ACTR3C: variants seen among roughly 807,000 people sequenced by gnomAD.
ACTR3C encodes the protein actin related protein 3C, also known as actin-related protein 3C.
A neutral mutation model predicts 26.3 loss-of-function variants in ACTR3C; 18 were observed. The observed-to-expected ratio is 0.68, with a 90% CI of 0.47 to 1.01. The LOEUF is 1.01. Ranked by LOEUF, ACTR3C falls within the 50% of genes least tolerant of loss-of-function variation. The pLI, the probability that ACTR3C is intolerant of heterozygous loss-of-function variation, is 0.00. For missense variants in ACTR3C, 184 were observed against 250.7 expected (o/e 0.73, Z 1.80); for synonymous variants, 55 against 94.5 (o/e 0.58, Z 2.42).
the ACTR3C span, among the ~76,000 whole-genome samples, chr7:150,123,147 T>G: frequency 6.6e-6 from 1 of 151,672 alleles, no homozygotes; most frequent in African/African-American, 2.4e-5. Context: ...GACGGGTTGA[T>G]GGGTGAAGCA....
At chr7:150,123,749 T>C in the ACTR3C span, among the ~76,000 whole-genome samples, 1 of 152,148 alleles carries the variant, frequency 6.6e-6, no homozygotes, top group Admixed American at 6.5e-5. Flanking sequence ...TAAGGCTCTT[T>C]GGTGACATGA....
At chr7:150,096,956 G>T in the ACTR3C span, among the ~76,000 whole-genome samples, 1 of 152,208 alleles carries the variant, frequency 6.6e-6, no homozygotes, top group Non-Finnish European at 1.5e-5. Context: ...CCCTGGCAAG[G>T]CCACTGCCCA....
At chr7:150,088,817 C>T in the ACTR3C span, among the ~76,000 whole-genome samples, 5 of 152,118 alleles carry the variant, frequency 3.3e-5, no homozygotes, top group Admixed American at 1.3e-4. Flanking sequence ...CTCATTTCCT[C>T]GTCTGTGAAA....
chr7:150,142,893 G>T, the ACTR3C span, among the ~76,000 whole-genome samples: 2 of 151,664 alleles, frequency 1.3e-5, no homozygotes, highest in Non-Finnish European at 2.9e-5. Flanking sequence ...GGAGTGCAGT[G>T]GTGTGATCTT....
the ACTR3C span, among the ~76,000 whole-genome samples, chr7:150,221,998 C>CAAAAAAAAAAAAAAAAAAAAAAAAAAAA: frequency 6.3e-5 from 5 of 79,796 alleles, no homozygotes; most frequent in African/African-American, 1.4e-4. Flanking sequence ...ACTCCGTCTC[C>CAAAAAAAAAAAAAAAAAAAAAAAAAAAA]AAAAAAAAAA....
the ACTR3C span, among the ~76,000 whole-genome samples, chr7:150,010,080 C>T: frequency 2.0e-5 from 3 of 152,252 alleles, no homozygotes; most frequent in Non-Finnish European, 4.4e-5. Context: ...GGCTTCATCT[C>T]ACACCACTCC....
chr7:150,074,457 G>T, the ACTR3C span: 1 of 152,074 alleles, frequency 6.6e-6, no homozygotes. Flanking sequence ...TACCAACCAC[G>T]GACGCTCACC....
chr7:149,963,317 G>C, the ACTR3C span, among the ~76,000 whole-genome samples: 1 of 152,118 alleles, frequency 6.6e-6, no homozygotes, highest in Non-Finnish European at 1.5e-5. Context: ...TTTTCCTGTT[G>C]AACACACATT....
intron 1 of ACTR3C, chr7:150,323,128 A>G (rs1220918404): frequency 5.2e-6 from 1 of 190,566 alleles, no homozygotes; most frequent in Non-Finnish European, 1.1e-5. Context: ...GCACCGATAA[A>G]CGATTACCGA....
the ACTR3C span, among the ~76,000 whole-genome samples, chr7:150,083,547 A>G: frequency 1.3e-5 from 2 of 152,260 alleles, no homozygotes; most frequent in Non-Finnish European, 2.9e-5. Flanking sequence ...CACCTAGGTG[A>G]CAGAGTGAGA....
the ACTR3C span, among the ~76,000 whole-genome samples, chr7:149,972,971 C>T: frequency 6.0e-5 from 9 of 150,848 alleles, no homozygotes; most frequent in South Asian, 1.7e-3. Context: ...GGGTGGCACG[C>T]CTGTCCCAGG....
the ACTR3C span, among the ~76,000 whole-genome samples, chr7:150,036,776 T>C: frequency 2.9e-5 from 4 of 137,750 alleles, 1 homozygote; most frequent in Non-Finnish European, 6.8e-5. Context: ...GTCGGAAGAT[T>C]TGAACTTTCT....
At chr7:150,316,444 T>C (rs2129616867) in intron 1 of ACTR3C, among the ~76,000 whole-genome samples, 1 of 151,988 alleles carries the variant, frequency 6.6e-6, no homozygotes, top group South Asian at 2.1e-4. Flanking sequence ...TTTCTAGCTA[T>C]TCTTGTTTAT....
the ACTR3C span, among the ~76,000 whole-genome samples, chr7:149,884,662 C>G: frequency 6.6e-6 from 1 of 152,104 alleles, no homozygotes; most frequent in Non-Finnish European, 1.5e-5. Flanking sequence ...GAAGCCATGT[C>G]TATTACAAGA....
the ACTR3C span, among the ~76,000 whole-genome samples, chr7:150,120,196 C>T: frequency 6.6e-6 from 1 of 152,258 alleles, no homozygotes; most frequent in South Asian, 2.1e-4. Context: ...AGAGCAAACA[C>T]ATTCAAAAGC....
At chr7:150,171,256 T>C in the ACTR3C span, among the ~76,000 whole-genome samples, 1 of 148,266 alleles carries the variant, frequency 6.7e-6, no homozygotes, top group Non-Finnish European at 1.5e-5. Flanking sequence ...AGGGTTAAAG[T>C]CATGGGATGT....
At chr7:150,070,804 T>TA in the ACTR3C span, among the ~76,000 whole-genome samples, 1 of 150,040 alleles carries the variant, frequency 6.7e-6, no homozygotes, top group South Asian at 2.1e-4. Context: ...CTTTTCTTTT[T>TA]TTTTTTTTGA....
chr7:149,919,440 C>T, the ACTR3C span, among the ~76,000 whole-genome samples: 1 of 152,038 alleles, frequency 6.6e-6, no homozygotes, highest in Non-Finnish European at 1.5e-5. Flanking sequence ...GGGGTTTCAC[C>T]ATGTTGGCCA....
the ACTR3C span, among the ~76,000 whole-genome samples, chr7:150,033,914 C>G: frequency 7.1e-6 from 1 of 141,394 alleles, no homozygotes; most frequent in African/African-American, 2.7e-5. Flanking sequence ...CCCCGCGTCG[C>G]GAGGGGTGCC....
Sources: gnomAD v4.1 joint callset for allele counts (sites outside exome capture counted in the v4.1 genomes callset) on GRCh38, gnomAD v4.1.1 for gene constraint, MANE v1.5 for transcripts, NCBI Gene and HGNC (gene_info 2026-07-23, HGNC 2026-07-21) for gene names.